Variants in FAM98B observed in about 807,000 individuals in gnomAD.
FAM98B encodes the protein tRNA splicing ligase complex subunit 3B.
A neutral mutation model predicts 43.9 loss-of-function variants in FAM98B; 32 were observed. The ratio of observed to expected loss-of-function variants is 0.73; its 90% CI spans 0.55 to 0.98. FAM98B has a LOEUF of 0.98. Among genes scored for constraint, FAM98B ranks in the 50% least tolerant of loss-of-function variants. The pLI is 0.00. For synonymous variants in FAM98B, 190 were observed against 174.0 expected (o/e 1.09, Z -0.72); for missense variants, 514 against 522.9 (o/e 0.98, Z 0.17).
At chr15:38,468,490 T>G (rs577032085) in intron 3 of FAM98B, among the ~76,000 whole-genome samples, 28 of 152,338 alleles carry the variant, frequency 1.8e-4, no homozygotes, top group African/African-American at 6.7e-4. Flanking sequence ...CCCAAAATAC[T>G]GGGATTACAG....
Position 38,484,562 on chromosome 15 carries a change from G to A in FAM98B, c.1205G>A (p.Arg402Lys), listed in dbSNP as rs988271073. The A allele has an allele frequency of 1.2e-5, 17 of 1,431,372 alleles. No homozygotes were observed. The highest frequency in any genetic ancestry group is 1.2e-5 in the Non-Finnish European group (13 of 1,090,470). 88.7% of individuals were successfully genotyped at this position (1,431,372 alleles called of 1,614,324 possible). ...GGTGGAAGAGGGGGTTATGGTGGAAGAGGGGGCTATGGTGGAAGAGGCTAT... is the reference window on the plus strand; with the variant it reads ...GGTGGAAGAGGGGGTTATGGTGGAAAAGGGGGCTATGGTGGAAGAGGCTAT... Reference protein sequence around the residue: ...DYGGRGGYGGRGGYGGRGYGD... With the variant: ...DYGGRGGYGGKGGYGGRGYGD... The change falls in exon 8 of 8, where the codon AGA becomes AAA. Residue 402 changes from arginine to lysine, a missense_variant. By Grantham distance (26) the Arg-to-Lys change is conservative (BLOSUM62 2). Around this residue, in one of 2 missense-constraint regions of FAM98B, gnomAD observed 45 missense variants for 71.1 expected, o/e 0.63. Coordinates refer to ENST00000397609, the MANE Select transcript of FAM98B (RefSeq NM_173611.4).
intron 1 of FAM98B, chr15:38,459,039 G>A (rs561702482): frequency 4.7e-5 from 16 of 343,144 alleles, no homozygotes; most frequent in African/African-American, 2.6e-4. Context: ...CAGCAGATCC[G>A]TCACAGGGTT....
intron 6 of FAM98B, among the ~76,000 whole-genome samples, chr15:38,477,507 A>G (rs931345113): frequency 6.6e-6 from 1 of 152,196 alleles, no homozygotes; most frequent in Admixed American, 6.5e-5. Context: ...TCATTTACCT[A>G]GAAATCCTCC....
At position 38,465,396 on chromosome 15, in the gene FAM98B, A is replaced by T; in HGVS notation, c.345A>T (p.Lys115Asn). The change falls in exon 3 of 8, where the codon AAA becomes AAT. Residue 115 changes from lysine to asparagine, a missense_variant. Around this residue, in one of 2 missense-constraint regions of FAM98B, gnomAD observed 469 missense variants for 451.8 expected, o/e 1.04. Coordinates refer to ENST00000397609, the MANE Select transcript of FAM98B (RefSeq NM_173611.4). ...TAAAAAAGAAGGAGGACTGTTTGAA[A>T]CTTCTATGTAAGTTATCTTGAACAT... ...DRLKKKEDCL[K>N]LLLFLSTELQ... The T allele has an allele frequency of 6.3e-7, 1 of 1,586,454 alleles. No homozygotes were observed.
At position 38,469,984 on chromosome 15, in the gene FAM98B, A is replaced by G. The variant is rs183465120; in HGVS notation, c.353-243A>G. Among the ~76,000 whole-genome samples the G allele has an allele frequency of 2.5e-3, 375 of 152,162 alleles. 5 individuals carry two copies. The highest frequency in any genetic ancestry group is 4.2e-3 in the Non-Finnish European group (287 of 67,980). On this transcript the variant is annotated intron_variant, in intron 3 of 7. Transcript: ENST00000397609. ...TGTAAATGCATTTAATAGGGTGTCT[A>G]TTTTATATAGCTTTAGTTAGTTGTT...
chr15:38,483,043 A>C (rs1265285494), intron 7 of FAM98B: 1 of 152,204 alleles, frequency 6.6e-6, no homozygotes, highest in Non-Finnish European at 1.5e-5. Flanking sequence ...CTGGAATTAT[A>C]GTTTTTATAT....
In FAM98B at chr15:38,486,591, G is replaced by A. The variant is rs1010762663; in HGVS notation, c.*1932G>A. 2 of 152,074 alleles carry A rather than the reference G, an allele frequency of 1.3e-5. No individual in the cohort carries two copies. The highest frequency in any genetic ancestry group is 2.9e-5 in the Non-Finnish European group (2 of 67,976). 9.4% of individuals were successfully genotyped at this position (152,074 alleles called of 1,614,324 possible). A position where few individuals can be genotyped will look rare whatever the true frequency, so the allele number is the denominator to read the frequency against. ...GTACCTTTATAGGAGTGCTGCTTGG[G>A]TTATTCACTACAATCACTTATTTCC... is the stretch of plus-strand genomic sequence containing the variant. On this transcript the variant is annotated 3_prime_UTR_variant, in exon 8 of 8. Coordinates refer to ENST00000397609, the MANE Select transcript of FAM98B (RefSeq NM_173611.4).
chr15:38,468,904 G>A (rs1248360379), intron 3 of FAM98B, among the ~76,000 whole-genome samples: 1 of 152,082 alleles, frequency 6.6e-6, no homozygotes, highest in Non-Finnish European at 1.5e-5. Context: ...TAAAAACAAA[G>A]TATTTATTTA....
intron 4 of FAM98B, among the ~76,000 whole-genome samples, chr15:38,471,913 G>T (rs1235235731): frequency 6.6e-6 from 1 of 152,138 alleles, no homozygotes; most frequent in African/African-American, 2.4e-5. Context: ...ATGTGAGGTG[G>T]TTATAAATGT....
At chr15:38,458,811 C>T (rs1889895103) in intron 1 of FAM98B, 5 of 473,270 alleles carry the variant, frequency 1.1e-5, no homozygotes, top group Non-Finnish European at 2.1e-5. Flanking sequence ...TTCTCAAAGA[C>T]TGGGAACAGG....
chr15:38,458,392 G>A (rs1206636721), intron 1 of FAM98B, among the ~76,000 whole-genome samples: 1 of 152,164 alleles, frequency 6.6e-6, no homozygotes, highest in Admixed American at 6.5e-5. Flanking sequence ...CTTCATCCCT[G>A]TAGAGTTCAG....
In FAM98B at chr15:38,477,856, T is replaced by C. The variant is rs1338675674; in HGVS notation, c.730-3436T>C. On this transcript the variant is annotated intron_variant, in intron 6 of 7. Coordinates refer to ENST00000397609, the MANE Select transcript of FAM98B (RefSeq NM_173611.4). ...AAGAAGCTCGAGTGCTGTTAAGAGC[T>C]GTAAGTTACCAACGAAGCAGATGAC... Among the ~76,000 whole-genome samples, 5 of 152,176 alleles carry C rather than the reference T, an allele frequency of 3.3e-5. 1 individual carries two copies. In the South Asian group the frequency reaches 6.2e-4, roughly 19 times the overall value.
At chr15:38,481,650 T>C (rs1014500196) in intron 7 of FAM98B, 191 bp downstream of exon 7, 4 of 1,461,670 alleles carry the variant, frequency 2.7e-6, no homozygotes, top group Non-Finnish European at 3.6e-6. Flanking sequence ...TGTGTATTCA[T>C]AAATCAAAGT....
At chr15:38,475,927 T>G (rs12899830) in intron 6 of FAM98B, among the ~76,000 whole-genome samples, 11 of 152,340 alleles carry the variant, frequency 7.2e-5, no homozygotes, top group Non-Finnish European at 1.3e-4. Flanking sequence ...CCATTTTCTG[T>G]ATACTTTTTC....
chr15:38,456,159 C>T (rs757395073), intron 1 of FAM98B, among the ~76,000 whole-genome samples: 5 of 152,162 alleles, frequency 3.3e-5, no homozygotes, highest in African/African-American at 4.8e-5. Context: ...TTTAGTGATA[C>T]AGGTGAAAAC....
At position 38,454,171 on chromosome 15, in the gene FAM98B, C is replaced by T. The variant is rs767566448; in HGVS notation, c.10C>T (p.Pro4Ser). The T allele has an allele frequency of 7.5e-6, 12 of 1,598,776 alleles. No homozygotes were observed. Among genetic ancestry groups the T allele is most frequent in the Non-Finnish European group, 9.4e-6 (11 of 1,174,200 alleles). ...TCTGGGCCAAAGGACCATGAGAGGG[C>T]CGGAGCCGGGTCCCCAACCGACGAT... MRGPEPGPQPTMEG... is the reference protein window; with the variant it reads MRGSEPGPQPTMEG... The change falls in exon 1 of 8, where the codon CCG (proline) becomes TCG (serine). Residue 4 changes from proline (P) to serine (S), a missense_variant. Pro to Ser is a moderately conservative substitution (Grantham distance 74). Coordinates refer to ENST00000397609, the MANE Select transcript of FAM98B (RefSeq NM_173611.4).
At position 38,486,014 on chromosome 15, in the gene FAM98B, A is replaced by G. The variant is rs1300078670; in HGVS notation, c.*1355A>G. The G allele has an allele frequency of 6.6e-6, 1 of 152,174 alleles. No homozygotes were observed. Among genetic ancestry groups the G allele is most frequent in the Non-Finnish European group, 1.5e-5 (1 of 68,020 alleles). The allele number at this position is 152,174 out of a possible 1,614,324, so 9.4% of individuals were successfully genotyped here. A position where few individuals can be genotyped will look rare whatever the true frequency, so the allele number is the denominator to read the frequency against. On this transcript the variant is annotated 3_prime_UTR_variant, in exon 8 of 8. Coordinates refer to ENST00000397609, the MANE Select transcript of FAM98B (RefSeq NM_173611.4). ...ACTGATAGAAAGCTGAATTGTTCCC[A>G]GTGGACAAGTGGTATTTGATGTTTA...
intron 3 of FAM98B, among the ~76,000 whole-genome samples, chr15:38,466,141 C>T (rs893539732): frequency 2.6e-5 from 4 of 151,436 alleles, no homozygotes; most frequent in African/African-American, 7.3e-5. Flanking sequence ...TCCTCCTAGG[C>T]GCTAGTGTTT....
intron 3 of FAM98B, among the ~76,000 whole-genome samples, 171 bp from the exon 4 acceptor site, chr15:38,470,056 G>T (rs1034547607): frequency 3.3e-5 from 5 of 152,072 alleles, no homozygotes; most frequent in Non-Finnish European, 7.4e-5. Context: ...ATGGACTAGG[G>T]AATCACTTCG....
Sources: allele counts gnomAD v4.1 joint callset (sites outside exome capture counted in the v4.1 genomes callset), GRCh38; gene constraint gnomAD v4.1.1; regional missense constraint gnomAD v4.1.1; transcripts MANE v1.5; gene names NCBI Gene and HGNC (gene_info 2026-07-23, HGNC 2026-07-21).